The following EYS variants were observed in gnomAD, a reference collection of about 807,000 sequenced individuals.
The protein encoded by EYS is protein eyes shut homolog.
EYS carries 250 observed loss-of-function variants against 282.1 expected under a neutral mutation model. The observed-to-expected ratio is 0.89, with a 90% CI of 0.80 to 0.98. EYS has a LOEUF of 0.98. EYS is among the 50% of genes least tolerant of loss of function. The pLI, the probability that EYS is intolerant of heterozygous loss-of-function variation, is 0.00. For missense variants in EYS, 4,016 were observed against 3,709.0 expected (o/e 1.08, Z -2.15); for synonymous variants, 1,355 against 1,282.9 (o/e 1.06, Z -1.20).
At chr6:65,408,875 T>G (rs1485426463) in intron 5 of EYS, among the ~76,000 whole-genome samples, 2 of 152,164 alleles carry the variant, frequency 1.3e-5, no homozygotes, top group African/African-American at 2.4e-5. Context: ...TTAAGCACAG[T>G]ATAAGCACTG....
chr6:64,481,297 T>C (rs866539426), intron 26 of EYS, among the ~76,000 whole-genome samples: 1 of 143,452 alleles, frequency 7.0e-6, no homozygotes, highest in Non-Finnish European at 1.5e-5. Context: ...TATATATATA[T>C]AATTAGAGAG....
chr6:64,483,055 C>T (rs1662738457), intron 26 of EYS, among the ~76,000 whole-genome samples: 1 of 151,570 alleles, frequency 6.6e-6, no homozygotes, highest in Admixed American at 6.6e-5. Context: ...AGTTATGTTT[C>T]CTGTGTCTAG....
At chr6:64,955,997 T>C (rs1456998391) in intron 14 of EYS, among the ~76,000 whole-genome samples, 1 of 152,064 alleles carries the variant, frequency 6.6e-6, no homozygotes, top group African/African-American at 2.4e-5. Context: ...AATTAAGGAA[T>C]AGAGAAACTG....
intron 12 of EYS, among the ~76,000 whole-genome samples, chr6:65,287,565 C>A (rs918456892): frequency 1.3e-5 from 2 of 151,148 alleles, no homozygotes; most frequent in African/African-American, 4.8e-5. Flanking sequence ...ATTATGCAAA[C>A]AATGTTTTGT....
At position 65,454,450 on chromosome 6, in the gene EYS, G is replaced by A. The variant is rs139337594; in HGVS notation, c.862+36144C>T. On this transcript the variant is annotated intron_variant, in intron 5 of 42. Coordinates refer to ENST00000503581, the MANE Select transcript of EYS (RefSeq NM_001142800.2). The stretch of plus-strand genomic sequence containing the variant: ...TTGCACATATTTTCTCTCATTTGTA[G>A]GTTGTTTCTTCAACTTGGCTAATAG... Among the ~76,000 whole-genome samples, 1,111 of 151,578 alleles carry A rather than the reference G, an allele frequency of 7.3e-3. 17 individuals carry two copies. The highest frequency in any genetic ancestry group is 0.039 in the South Asian group (187 of 4,796).
intron 31 of EYS, among the ~76,000 whole-genome samples, chr6:64,190,230 A>C (rs1765061849): frequency 1.3e-5 from 2 of 152,190 alleles, no homozygotes; most frequent in Non-Finnish European, 2.9e-5. Context: ...CTGTACCCTC[A>C]GGGTGAAACA....
At chr6:65,222,026 C>T (rs1316509774) in intron 12 of EYS, among the ~76,000 whole-genome samples, 5 of 152,136 alleles carry the variant, frequency 3.3e-5, no homozygotes, top group Admixed American at 3.3e-4. Context: ...TACCTAATGC[C>T]TGTACCCCCA....
At chr6:64,713,194 C>T (rs947342106) in intron 22 of EYS, 1 of 152,176 alleles carries the variant, frequency 6.6e-6, no homozygotes, top group African/African-American at 2.4e-5. Flanking sequence ...TTCCTTCAAA[C>T]ATGCAGCAGC....
At chr6:65,463,151 T>G (rs771791370) in intron 5 of EYS, among the ~76,000 whole-genome samples, 1 of 152,070 alleles carries the variant, frequency 6.6e-6, no homozygotes, top group Non-Finnish European at 1.5e-5. Flanking sequence ...GGGTCAAAAT[T>G]AAAGTCTTTC....
At chr6:64,227,833 G>C (rs1057091752) in intron 31 of EYS, among the ~76,000 whole-genome samples, 2 of 151,814 alleles carry the variant, frequency 1.3e-5, no homozygotes, top group South Asian at 2.1e-4. Flanking sequence ...TCTGTAAATC[G>C]TAAGCATTTA....
rs752632152 is a variant in EYS at position 64,439,162 on chromosome 6, C to T, written c.5835G>A (p.Lys1945=). 1.4e-6 allele frequency: 2 copies of T among 1,407,974 alleles called. No individual in the cohort carries two copies. Among genetic ancestry groups the T allele is most frequent in the South Asian group, 1.5e-5 (1 of 65,652 alleles). The allele number at this position is 1,407,974 out of a possible 1,614,324, so 87.2% of individuals were successfully genotyped here. Residue 1945 remains lysine, a splice_region_variant and synonymous_variant, in exon 27 of 43, where the codon AAG becomes AAA. Coordinates refer to ENST00000503581, the MANE Select transcript of EYS (RefSeq NM_001142800.2). ...AAATTAAATGAACTGAATAACTTAC[C>T]TTTAAAGTACCATTTTCAATAAACA... ...IQLFIENGTL[K]YHFYCPGEAK... is the part of the protein sequence containing the mutation.
chr6:64,088,928 A>G (rs948781704), intron 31 of EYS, among the ~76,000 whole-genome samples: 2 of 151,980 alleles, frequency 1.3e-5, no homozygotes, highest in African/African-American at 4.8e-5. Context: ...TACAAATACA[A>G]TGGGTCACAA....
chr6:64,172,148 T>G (rs1197679293), intron 31 of EYS, among the ~76,000 whole-genome samples: 1 of 152,170 alleles, frequency 6.6e-6, no homozygotes. Flanking sequence ...TGTAGAGAGT[T>G]GATATCACCC....
At chr6:64,663,596 G>A (rs1485624012) in intron 22 of EYS, among the ~76,000 whole-genome samples, 1 of 152,130 alleles carries the variant, frequency 6.6e-6, no homozygotes, top group Non-Finnish European at 1.5e-5. Context: ...AGCAAAAAAA[G>A]TGAGCCTGCA....
intron 36 of EYS, among the ~76,000 whole-genome samples, chr6:63,818,946 A>G (rs978740971): frequency 6.6e-6 from 1 of 152,122 alleles, no homozygotes; most frequent in Non-Finnish European, 1.5e-5. Flanking sequence ...AAATATCTTG[A>G]ATTCTTATAA....
intron 12 of EYS, among the ~76,000 whole-genome samples, chr6:65,137,240 T>C (rs1408239372): frequency 6.6e-6 from 1 of 152,084 alleles, no homozygotes. Context: ...CTAGTTTCTC[T>C]GAGGAAGTAA....
chr6:64,352,469 A>G (rs1771675894), intron 29 of EYS, among the ~76,000 whole-genome samples: 1 of 151,510 alleles, frequency 6.6e-6, no homozygotes, highest in Non-Finnish European at 1.5e-5. Flanking sequence ...TTTATTCACT[A>G]TCTCTATTGT....
intron 24 of EYS, among the ~76,000 whole-genome samples, chr6:64,609,223 T>A (rs755846363): frequency 2.0e-5 from 3 of 152,046 alleles, no homozygotes; most frequent in Non-Finnish European, 4.4e-5. Context: ...GAAAATAGTT[T>A]AAGAAAAAAA....
intron 31 of EYS, among the ~76,000 whole-genome samples, chr6:64,202,068 C>T (rs1172125566): frequency 6.6e-6 from 1 of 152,038 alleles, no homozygotes; most frequent in Non-Finnish European, 1.5e-5. Context: ...CAAGTTTGTA[C>T]TATCAAGTTT....
Sources: allele counts gnomAD v4.1 joint callset (sites outside exome capture counted in the v4.1 genomes callset), GRCh38; gene constraint gnomAD v4.1.1; transcripts MANE v1.5; gene names NCBI Gene and HGNC (gene_info 2026-07-23, HGNC 2026-07-21).